NDST1: variants seen among roughly 807,000 people sequenced by gnomAD.
NDST1 encodes the protein bifunctional heparan sulfate N-deacetylase/N-sulfotransferase 1.
In NDST1, 35 loss-of-function variants were observed where a neutral mutation model predicts 92.8. That is an observed-to-expected ratio of 0.38 (90% CI 0.29 to 0.50). The LOEUF (loss-of-function observed/expected upper bound fraction) is 0.50, where lower values mean the gene tolerates loss of function less well. Among genes scored for constraint, NDST1 ranks in the 20% least tolerant of loss-of-function variants. The pLI is 0.94. For missense variants in NDST1, 822 were observed against 1,182.7 expected (o/e 0.69, Z 4.47); for synonymous variants, 493 against 500.3 (o/e 0.99, Z 0.19).
chr5:150,523,304 GACTCTGT>G (rs1306337753), intron 2 of NDST1, among the ~76,000 whole-genome samples: 1 of 152,104 alleles, frequency 6.6e-6, no homozygotes, highest in Non-Finnish European at 1.5e-5. Flanking sequence ...TTTTCTCTTG[GACTCTGT>G]ACCCTTTCCT....
rs1755880175 is a variant in NDST1, at chr5:150,556,856, T to C, written c.*3524T>C. ...TCAGCATCCAGTCACGGTGCACACA[T>C]TGCATTTTCTAACTATGTTTTTAAA... On this transcript the variant is annotated 3_prime_UTR_variant, in exon 15 of 15. Transcript: ENST00000261797. 6.6e-6 allele frequency: 1 copy of C among 152,664 alleles called. No individual in the cohort carries two copies. The highest frequency in any genetic ancestry group is 1.5e-5 in the Non-Finnish European group (1 of 68,042). The allele number at this position is 152,664 out of a possible 1,614,324, so 9.5% of individuals were successfully genotyped here.
chr5:150,538,467 C>T (rs758715811), intron 6 of NDST1, among the ~76,000 whole-genome samples: 1 of 152,158 alleles, frequency 6.6e-6, no homozygotes, highest in Non-Finnish European at 1.5e-5. Flanking sequence ...CAGCTTGGAC[C>T]AGGGCCCAAT....
chr5:150,525,642 A>G (rs1362052426), intron 2 of NDST1, among the ~76,000 whole-genome samples: 1 of 152,218 alleles, frequency 6.6e-6, no homozygotes, highest in Non-Finnish European at 1.5e-5. Context: ...AATGTGGTTT[A>G]CAAGGCCAGG....
chr5:150,506,444 C>T (rs895596343), upstream of NDST1, among the ~76,000 whole-genome samples: 21 of 152,254 alleles, frequency 1.4e-4, no homozygotes, highest in African/African-American at 3.4e-4. Context: ...AGGCTCCTCG[C>T]GGGCCTCACC....
chr5:150,530,557 ATTTTTT>A (rs71589713), intron 3 of NDST1, among the ~76,000 whole-genome samples: 7 of 127,234 alleles, frequency 5.5e-5, no homozygotes, highest in African/African-American at 2.0e-4. Context: ...CGTATTTTAA[ATTTTTT>A]TTTTTTTTTT....
intron 2 of NDST1, among the ~76,000 whole-genome samples, chr5:150,525,854 C>T (rs1189559847): frequency 1.3e-5 from 2 of 152,168 alleles, no homozygotes; most frequent in Admixed American, 1.3e-4. Context: ...ACTCATTTTG[C>T]TTTGCCCTGC....
intron 12 of NDST1, 106 bp downstream of exon 12, chr5:150,548,494 C>T: frequency 2.4e-6 from 3 of 1,240,420 alleles, no homozygotes; most frequent in Non-Finnish European, 3.4e-6. Flanking sequence ...CAGATATGCC[C>T]TCCTTGGAGA....
chr5:150,553,280 T>C lies in NDST1; in HGVS notation c.2597T>C (p.Met866Thr). Residue 866 changes from methionine to threonine, a missense_variant, in exon 15 of 15, where the codon ATG becomes ACG. Physicochemically the swap from Met to Thr is moderately conservative, Grantham distance 81. Coordinates refer to ENST00000261797, the MANE Select transcript of NDST1 (RefSeq NM_001543.5). This position sits in a 1 kb window ranked among gnomAD's most constrained non-coding sequence, Gnocchi z 4.2. ...GAGCTCTCCAAGCTGCTGTATAAGA[T>C]GGGCCAGACACTTCCCACTTGGCTA... is the stretch of plus-strand genomic sequence containing the variant. ...NIELSKLLYKMGQTLPTWLRE... is the reference protein window; with the variant it reads ...NIELSKLLYKTGQTLPTWLRE... 6.2e-7 allele frequency: 1 copy of C among 1,613,962 alleles called. No individual in the cohort carries two copies. Among genetic ancestry groups the C allele is most frequent in the Non-Finnish European group, 8.5e-7 (1 of 1,179,870 alleles).
rs1217855395 is a variant in NDST1, at chr5:150,558,081, G to A, written c.*4749G>A. On this transcript the variant is annotated 3_prime_UTR_variant, in exon 15 of 15. Coordinates refer to ENST00000261797, the MANE Select transcript of NDST1 (RefSeq NM_001543.5). ...TGTAGGGGGGTGGGGAGAGTGGGGA[G>A]AGGGGGTGCTATCCAGTTCGCCTGA... is the stretch of plus-strand genomic sequence containing the variant. The A allele has an allele frequency of 1.3e-5, 2 of 152,044 alleles. No homozygotes were observed. Among genetic ancestry groups the A allele is most frequent in the East Asian group, 3.9e-4 (2 of 5,160 alleles). 9.4% of individuals were successfully genotyped at this position (152,044 alleles called of 1,614,324 possible). A position where few individuals can be genotyped will look rare whatever the true frequency, so the allele number is the denominator to read the frequency against.
At chr5:150,520,452 G>A (rs181394922) in intron 1 of NDST1, among the ~76,000 whole-genome samples, 107 of 152,226 alleles carry the variant, frequency 7.0e-4, no homozygotes, top group African/African-American at 2.5e-3. Flanking sequence ...GTATTCAGTC[G>A]TGATTTAGAA....
At chr5:150,551,645 C>G (rs754014632) in intron 13 of NDST1, 108 bp from the exon 14 acceptor site, 183 of 1,374,222 alleles carry the variant, frequency 1.3e-4, no homozygotes, top group Non-Finnish European at 1.8e-4. Flanking sequence ...GGTTCAAGAG[C>G]AGTAGATTCC....
At chr5:150,547,142 G>A (rs1353845336) in intron 11 of NDST1, among the ~76,000 whole-genome samples, 1 of 152,250 alleles carries the variant, frequency 6.6e-6, no homozygotes, top group Non-Finnish European at 1.5e-5. Flanking sequence ...AGAAAACCAA[G>A]TTTCAGCAAG....
chr5:150,514,442 T>A (rs565649815), intron 1 of NDST1, among the ~76,000 whole-genome samples: 2 of 151,288 alleles, frequency 1.3e-5, no homozygotes, highest in South Asian at 4.2e-4. Context: ...GTGCTTGTAA[T>A]CCCAGCTACT....
At chr5:150,500,687 GCCTGGCCTGGGTGGCCCAGTGA>G (rs1287637890) in intron 1 of NDST1, among the ~76,000 whole-genome samples, 16 of 152,388 alleles carry the variant, frequency 1.0e-4, no homozygotes, top group African/African-American at 3.6e-4. Context: ...CACAGGGAAA[GCCTGGCCTGGGTGGCCCAGTGA>G]CCTGGCCACA....
chr5:150,536,000 G>A, intron 6 of NDST1, 115 bp downstream of exon 6: 1 of 1,282,816 alleles, frequency 7.8e-7, no homozygotes, highest in South Asian at 1.3e-5. Context: ...AGGGGTTGCA[G>A]ATCAGCTTCT....
intron 9 of NDST1, 136 bp from the exon 10 acceptor site, chr5:150,542,709 TGAA>T (rs990277287): frequency 5.5e-6 from 6 of 1,092,580 alleles, no homozygotes; most frequent in Non-Finnish European, 8.1e-6. Flanking sequence ...ATTGCACAGA[TGAA>T]GAAGCTAAGA....
At chr5:150,505,003 A>C (rs1302914661), upstream of NDST1, among the ~76,000 whole-genome samples, 1 of 152,194 alleles carries the variant, frequency 6.6e-6, no homozygotes, top group Non-Finnish European at 1.5e-5. Flanking sequence ...TGGAAACCCC[A>C]CTTTCCTTTT....
chr5:150,549,815 G>T, intron 13 of NDST1, 28 bp downstream of exon 13: 1 of 1,452,116 alleles, frequency 6.9e-7, no homozygotes, highest in Non-Finnish European at 9.7e-7. Flanking sequence ...CTTTCTGCAG[G>T]TTATTTCCCT....
rs973926101 is a variant in NDST1 at position 150,521,380 on chromosome 5, G to T, written c.126G>T (p.Lys42Asn). The stretch of plus-strand genomic sequence containing the variant: ...CGGCCTACTACCTATATGGCTGGAA[G>T]CGAGGCCTGGAGCCCTCGGCGGATG... ...FISAYYLYGW[K>N]RGLEPSADAP... is the part of the protein sequence containing the mutation. The change falls in exon 2 of 15, where the codon AAG (lysine) becomes AAT (asparagine). Residue 42 changes from lysine (K) to asparagine (N), a missense_variant. Lys to Asn is a moderately conservative substitution (Grantham distance 94). Transcript: ENST00000261797. The surrounding 1 kb of genome is among the most constrained non-coding windows in gnomAD (Gnocchi z 5.9). The T allele has an allele frequency of 2.5e-5, 40 of 1,613,392 alleles. No homozygotes were observed. Among genetic ancestry groups the T allele is most frequent in the Non-Finnish European group, 3.4e-5 (40 of 1,179,928 alleles).
Sources: gnomAD v4.1 joint callset for allele counts (sites outside exome capture counted in the v4.1 genomes callset) on GRCh38, gnomAD v4.1.1 for gene constraint, Gnocchi (gnomAD v3.1) non-coding constraint, MANE v1.5 for transcripts, NCBI Gene and HGNC (gene_info 2026-07-23, HGNC 2026-07-21) for gene names.